The following ABCD3 variants were observed in gnomAD, a reference collection of about 807,000 sequenced individuals.
The protein encoded by ABCD3 is ATP-binding cassette sub-family D member 3.
Under a neutral mutation model 105.5 loss-of-function variants are expected in ABCD3, and 41 were observed. The observed-to-expected ratio is 0.39, with a 90% CI of 0.30 to 0.50. The LOEUF (loss-of-function observed/expected upper bound fraction) is 0.50. Among genes scored for constraint, ABCD3 ranks in the 20% least tolerant of loss-of-function variants. The pLI is 0.84. For synonymous variants in ABCD3, 258 were observed against 269.0 expected, an observed-to-expected ratio of 0.96 and a Z score of 0.40; for missense variants, 622 against 806.3, an observed-to-expected ratio of 0.77 and a Z score of 2.77.
At chr1:94,421,236 T>C (rs1659247222) in intron 1 of ABCD3, among the ~76,000 whole-genome samples, 1 of 152,166 alleles carries the variant, frequency 6.6e-6, no homozygotes, top group African/African-American at 2.4e-5. Context: ...TATAGGTTTT[T>C]TAGGTAAAAT....
At chr1:94,500,430 G>A (rs549016046) in intron 20 of ABCD3, among the ~76,000 whole-genome samples, 1 of 152,162 alleles carries the variant, frequency 6.6e-6, no homozygotes, top group African/African-American at 2.4e-5. Flanking sequence ...GATAGAAGGA[G>A]ATCGTCTCTC....
At chr1:94,399,485 C>T in the ABCD3 span, among the ~76,000 whole-genome samples, 2 of 152,166 alleles carry the variant, frequency 1.3e-5, no homozygotes, top group African/African-American at 2.4e-5. Flanking sequence ...TTCCAATACC[C>T]GTTCCCAGAG....
At chr1:94,459,926 T>C (rs184586396) in intron 2 of ABCD3, among the ~76,000 whole-genome samples, 208 of 152,326 alleles carry the variant, frequency 1.4e-3, no homozygotes, top group Non-Finnish European at 2.5e-3. Flanking sequence ...ATCATGTTGT[T>C]GTATCAGTAT....
In ABCD3 at chr1:94,503,573, T is replaced by G. The variant is rs182235676; in HGVS notation, c.1741-2965T>G. Among the ~76,000 whole-genome samples the G allele has an allele frequency of 1.8e-4, 28 of 152,264 alleles. No individual in the cohort carries two copies. The East Asian group carries it at 5.0e-3, about 27-fold the overall frequency. ...GTGGAAAGACATTTTTCAGGTCTCT[T>G]TGATCTAAAAAGCAAACTCTGCCTT... On this transcript the variant is annotated intron_variant, in intron 20 of 22. Coordinates refer to ENST00000370214, the MANE Select transcript of ABCD3 (RefSeq NM_002858.4).
intron 21 of ABCD3, among the ~76,000 whole-genome samples, chr1:94,511,512 G>A (rs1468760268): frequency 6.6e-6 from 1 of 152,040 alleles, no homozygotes. Flanking sequence ...GGTGTTCTCT[G>A]TATTTCCTGA....
chr1:94,397,843 T>G, the ABCD3 span, among the ~76,000 whole-genome samples: 1 of 152,216 alleles, frequency 6.6e-6, no homozygotes, highest in Non-Finnish European at 1.5e-5. Context: ...AATATATGTT[T>G]CAGGGAAAAT....
chr1:94,455,221 A>G (rs1040448535), intron 1 of ABCD3, among the ~76,000 whole-genome samples: 1 of 152,356 alleles, frequency 6.6e-6, no homozygotes, highest in African/African-American at 2.4e-5. Flanking sequence ...TTGTTTTGCC[A>G]TTAAAAATAT....
At chr1:94,406,691 A>G in the ABCD3 span, 2 of 158,634 alleles carry the variant, frequency 1.3e-5, 1 homozygote, top group South Asian at 3.7e-4. Context: ...AGAACATCGT[A>G]GACTTCCAGT....
intron 16 of ABCD3, among the ~76,000 whole-genome samples, chr1:94,492,747 T>G (rs1649594347): frequency 6.6e-6 from 1 of 152,162 alleles, no homozygotes. Flanking sequence ...TCTGTCTTTA[T>G]GCAGAAATAA....
At chr1:94,448,586 C>G (rs1660447293) in intron 1 of ABCD3, among the ~76,000 whole-genome samples, 1 of 152,214 alleles carries the variant, frequency 6.6e-6, no homozygotes, top group Non-Finnish European at 1.5e-5. Flanking sequence ...TTTAATATGC[C>G]TATTAATGTG....
In ABCD3 at chr1:94,487,883, C is replaced by T; in HGVS notation, c.1066-9C>T. 2 of 1,610,866 alleles carry T rather than the reference C, an allele frequency of 1.2e-6. No homozygotes were observed. Among genetic ancestry groups the T allele is most frequent in the Non-Finnish European group, 8.5e-7 (1 of 1,177,396 alleles). On this transcript the variant is annotated splice_polypyrimidine_tract_variant and intron_variant, in intron 12 of 22. Coordinates refer to ENST00000370214, the MANE Select transcript of ABCD3 (RefSeq NM_002858.4). ...TATAAGTAAAAACTAATATTTATTTCTATTTAAGGATTACTACCAAAGTGG... is the reference window on the plus strand; with the variant it reads ...TATAAGTAAAAACTAATATTTATTTTTATTTAAGGATTACTACCAAAGTGG...
At chr1:94,427,499 C>T (rs1045644743) in intron 1 of ABCD3, among the ~76,000 whole-genome samples, 1 of 152,070 alleles carries the variant, frequency 6.6e-6, no homozygotes, top group Non-Finnish European at 1.5e-5. Flanking sequence ...TAAGTTGTAA[C>T]TTTTTTCCTA....
intron 1 of ABCD3, among the ~76,000 whole-genome samples, chr1:94,436,512 A>G (rs1357583549): frequency 6.6e-6 from 1 of 152,170 alleles, no homozygotes; most frequent in African/African-American, 2.4e-5. Flanking sequence ...TTGTCAGAGC[A>G]TATTGATATA....
At position 94,506,972 on chromosome 1, in the gene ABCD3, GATTT is replaced by G. The variant is rs1034615712; in HGVS notation, c.1845+343_1845+346del. 9.8e-4 allele frequency among the ~76,000 whole-genome samples: 148 copies of G among 151,582 alleles called. 1 individual carries two copies. The highest frequency in any genetic ancestry group is 1.9e-3 in the African/African-American group (78 of 41,406). ...AAAGTTTTTAACTTTTATGTTAAAA[GATTT>G]ATTTATTTATTTTTTAATTTATTAT... On this transcript the variant is annotated intron_variant, in intron 21 of 22. Coordinates refer to ENST00000370214, the MANE Select transcript of ABCD3 (RefSeq NM_002858.4).
At chr1:94,392,791 T>C in the ABCD3 span, among the ~76,000 whole-genome samples, 1 of 152,106 alleles carries the variant, frequency 6.6e-6, no homozygotes, top group Non-Finnish European at 1.5e-5. Flanking sequence ...TTTGTGACCT[T>C]TTTTTAAAGA....
intron 2 of ABCD3, among the ~76,000 whole-genome samples, chr1:94,461,534 A>G (rs566479406): frequency 2.0e-5 from 3 of 152,246 alleles, no homozygotes; most frequent in African/African-American, 4.8e-5. Flanking sequence ...TCATAAATTC[A>G]TGTGTAAAAT....
At chr1:94,419,953 C>T (rs1485182958) in intron 1 of ABCD3, among the ~76,000 whole-genome samples, 1 of 152,148 alleles carries the variant, frequency 6.6e-6, no homozygotes, top group African/African-American at 2.4e-5. Context: ...TAGAAGTTAC[C>T]TGTTACCTGG....
intron 13 of ABCD3, among the ~76,000 whole-genome samples, chr1:94,489,208 A>G (rs1421099638): frequency 6.6e-6 from 1 of 152,068 alleles, no homozygotes; most frequent in Non-Finnish European, 1.5e-5. Context: ...CTATCTAATA[A>G]TAAGAACTCA....
At position 94,493,432 on chromosome 1, in the gene ABCD3, G is replaced by A. The variant is rs1027858588; in HGVS notation, c.1386+2185G>A. On this transcript the variant is annotated intron_variant, in intron 16 of 22. Transcript: ENST00000370214. ...CAGTTAGAATGGCAATCATTAAAAA[G>A]TCAGGAAACAACAGGTGCTGGAGAG... Among the ~76,000 whole-genome samples the A allele has an allele frequency of 1.1e-4, 17 of 151,968 alleles. No individual in the cohort carries two copies. In the South Asian group the frequency reaches 1.7e-3, roughly 15 times the overall value.
Sources: allele counts gnomAD v4.1 joint callset (sites outside exome capture counted in the v4.1 genomes callset), GRCh38; gene constraint gnomAD v4.1.1; transcripts MANE v1.5; gene names NCBI Gene and HGNC (gene_info 2026-07-23, HGNC 2026-07-21).